The following PCLO variants were observed in gnomAD, a reference collection of about 807,000 sequenced individuals.
The protein encoded by PCLO is piccolo presynaptic cytomatrix protein.
In PCLO, 82 loss-of-function variants were observed where a neutral mutation model predicts 427.5. The observed-to-expected ratio is 0.19, with a 90% CI of 0.16 to 0.23. PCLO has a LOEUF of 0.23. PCLO is among the 10% of genes least tolerant of loss of function. The pLI, the probability that PCLO is intolerant of heterozygous loss-of-function variation, is 1.00. For synonymous variants in PCLO, 2,357 were observed against 2,155.4 expected (o/e 1.09, Z -2.59); for missense variants, 6,239 against 6,115.9 (o/e 1.02, Z -0.67).
chr7:82,905,688 A>C (rs1270068674), intron 8 of PCLO, among the ~76,000 whole-genome samples: 1 of 151,958 alleles, frequency 6.6e-6, no homozygotes, highest in Non-Finnish European at 1.5e-5. Context: ...GGATGAGTGG[A>C]GGAAAAGTGT....
chr7:83,033,706 C>T (rs1372666492), intron 3 of PCLO, among the ~76,000 whole-genome samples: 2 of 152,120 alleles, frequency 1.3e-5, no homozygotes, highest in African/African-American at 4.8e-5. Context: ...CCTTTCATCA[C>T]ACTATTACTT....
chr7:82,979,175 G>A (rs1796092147), intron 3 of PCLO, among the ~76,000 whole-genome samples: 1 of 152,002 alleles, frequency 6.6e-6, no homozygotes, highest in Admixed American at 6.6e-5. Context: ...AGAATCCTAA[G>A]TCTCATATAT....
At chr7:82,883,512 C>T (rs902651719) in intron 9 of PCLO, among the ~76,000 whole-genome samples, 2 of 151,968 alleles carry the variant, frequency 1.3e-5, no homozygotes, top group African/African-American at 4.8e-5. Flanking sequence ...CACTATTTAT[C>T]CAATTATTGG....
At chr7:83,147,262 A>C (rs910586656) in intron 2 of PCLO, among the ~76,000 whole-genome samples, 1 of 152,152 alleles carries the variant, frequency 6.6e-6, no homozygotes, top group African/African-American at 2.4e-5. Context: ...TAATTAAATA[A>C]TACATGTTTT....
chr7:83,001,523 C>CACAT (rs1787824084), intron 3 of PCLO, among the ~76,000 whole-genome samples: 2 of 151,632 alleles, frequency 1.3e-5, no homozygotes, highest in African/African-American at 4.8e-5. Flanking sequence ...CACACACACA[C>CACAT]ACACACAAAG....
At chr7:83,099,166 T>C (rs6960031) in intron 3 of PCLO, among the ~76,000 whole-genome samples, 68,326 of 148,844 alleles carry the variant, frequency 0.46, 16,080 homozygotes, top group East Asian at 0.71. Context: ...AGGAAAGTCA[T>C]TGAACGTGTA....
intron 10 of PCLO, among the ~76,000 whole-genome samples, chr7:82,858,180 C>G (rs891988192): frequency 1.9e-4 from 29 of 152,032 alleles, no homozygotes; most frequent in African/African-American, 6.0e-4. Context: ...GAAGTCAATA[C>G]ACGTGCTACA....
chr7:82,871,887 C>T lies in PCLO; in HGVS notation c.13654+7450G>A, dbSNP rs117770601. Among the ~76,000 whole-genome samples, 143 of 151,706 alleles carry T rather than the reference C, an allele frequency of 9.4e-4. 2 individuals are homozygous for T. In the East Asian group the frequency reaches 0.023, roughly 25 times the overall value. On this transcript the variant is annotated intron_variant, in intron 10 of 24. Transcript: ENST00000333891. ...GCTTTAAAAAATGGTGCATAGGAAA[C>T]TGATTATACATATTCAGAAGGAAAA...
chr7:82,860,376 AC>A (rs1025265687), intron 10 of PCLO, among the ~76,000 whole-genome samples: 1 of 152,100 alleles, frequency 6.6e-6, no homozygotes, highest in Non-Finnish European at 1.5e-5. Context: ...TTCAGTGGAA[AC>A]CTTACGGGCC....
At chr7:82,890,039 T>C (rs547532575) in intron 9 of PCLO, among the ~76,000 whole-genome samples, 21 of 151,270 alleles carry the variant, frequency 1.4e-4, no homozygotes, top group African/African-American at 5.1e-4. Context: ...TTACAATATA[T>C]TATATTATTA....
At chr7:83,039,438 T>C (rs951683363) in intron 3 of PCLO, among the ~76,000 whole-genome samples, 9 of 152,120 alleles carry the variant, frequency 5.9e-5, no homozygotes, top group African/African-American at 1.9e-4. Context: ...AATATCAAAC[T>C]GTCCCAGTGC....
At position 82,997,933 on chromosome 7, in the gene PCLO, G is replaced by A. The variant is rs115502430; in HGVS notation, c.3301-31446C>T. Among the ~76,000 whole-genome samples, 1,379 of 152,010 alleles carry A rather than the reference G, an allele frequency of 9.1e-3. 30 individuals are homozygous for A. Among genetic ancestry groups the A allele is most frequent in the African/African-American group, 0.03 (1,247 of 41,494 alleles). On this transcript the variant is annotated intron_variant, in intron 3 of 24. Transcript: ENST00000333891. ...TTTTGTTCATCTCCATGTAAGGAGCGTGGAAGTCACTACTTCATTCTAACA... is the reference window on the plus strand; with the variant it reads ...TTTTGTTCATCTCCATGTAAGGAGCATGGAAGTCACTACTTCATTCTAACA...
chr7:83,002,036 T>C (rs1474916497), intron 3 of PCLO, among the ~76,000 whole-genome samples: 1 of 152,038 alleles, frequency 6.6e-6, no homozygotes, highest in Non-Finnish European at 1.5e-5. Flanking sequence ...TATAGATTTC[T>C]TTTTAATTCT....
At position 82,758,618 on chromosome 7, in the gene PCLO, A is replaced by T; in HGVS notation, c.15386T>A (p.Val5129Asp). The T allele has an allele frequency of 6.2e-7, 1 of 1,611,972 alleles. No homozygotes were observed. Among genetic ancestry groups the T allele is most frequent in the Non-Finnish European group, 8.5e-7 (1 of 1,178,546 alleles). The change falls in exon 25 of 25, where the codon GTC becomes GAC. Residue 5129 changes from valine to aspartate, a missense_variant. Coordinates refer to ENST00000333891, the MANE Select transcript of PCLO (RefSeq NM_033026.6). ...LDKVDLRKRI[V>D]NWHKLLVSPT... ...ACTGACCAAAAGTTTGTGCCAGTTG[A>T]CTATTCTTTTTCTGAGATCCACTTT...
intron 3 of PCLO, among the ~76,000 whole-genome samples, chr7:82,985,319 C>T (rs1350222569): frequency 6.6e-6 from 1 of 152,008 alleles, no homozygotes; most frequent in African/African-American, 2.4e-5. Context: ...GACTGAACAT[C>T]CTTCAAGCAA....
In PCLO at chr7:82,955,821, C is replaced by T; in HGVS notation, c.5132G>A (p.Arg1711Lys). 6.2e-7 allele frequency: 1 copy of T among 1,613,920 alleles called. No individual in the cohort carries two copies. The highest frequency in any genetic ancestry group is 8.5e-7 in the Non-Finnish European group (1 of 1,179,864). Residue 1711 changes from arginine to lysine, a missense_variant, in exon 5 of 25, where the codon AGG (arginine) becomes AAG (lysine). Physicochemically the swap from Arg to Lys is conservative, Grantham distance 26 (BLOSUM62 2). Coordinates refer to ENST00000333891, the MANE Select transcript of PCLO (RefSeq NM_033026.6). ...ACTCGAAGATCCCTCTCCCCTTGAC[C>T]TATCTTCAGGTGAGTCTGTCAGGCT... The part of the protein sequence containing the change: ...MESLTDSPED[R>K]SRGEGSSSLH...
chr7:82,925,278 T>A (rs1794687299), intron 6 of PCLO, among the ~76,000 whole-genome samples: 1 of 151,926 alleles, frequency 6.6e-6, no homozygotes, highest in Non-Finnish European at 1.5e-5. Flanking sequence ...AAACAAGAGG[T>A]CTTTAAAATA....
chr7:83,147,264 A>T (rs1163007287), intron 2 of PCLO, among the ~76,000 whole-genome samples: 2 of 152,130 alleles, frequency 1.3e-5, no homozygotes, highest in Non-Finnish European at 2.9e-5. Flanking sequence ...ATTAAATAAT[A>T]CATGTTTTTA....
At chr7:82,822,435 A>G in intron 20 of PCLO, 60 bp downstream of exon 20, 1 of 1,611,982 alleles carries the variant, frequency 6.2e-7, no homozygotes, top group Non-Finnish European at 8.5e-7. Context: ...GACAGCAGGA[A>G]AGAAAGGCAA....
Sources: allele counts gnomAD v4.1 joint callset (sites outside exome capture counted in the v4.1 genomes callset), GRCh38; gene constraint gnomAD v4.1.1; transcripts MANE v1.5; gene names NCBI Gene and HGNC (gene_info 2026-07-23, HGNC 2026-07-21).